Variants in EBF1 observed in about 807,000 individuals in gnomAD.
The protein encoded by EBF1 is EBF transcription factor 1, also known as transcription factor COE1.
EBF1 carries 10 observed loss-of-function variants against 68.4 expected under a neutral mutation model. The observed-to-expected ratio is 0.15, with a 90% CI of 0.09 to 0.25. The LOEUF (loss-of-function observed/expected upper bound fraction) is 0.25, where lower values mean the gene tolerates loss of function less well. EBF1 is among the 10% of genes least tolerant of loss of function. EBF1 has a pLI of 1.00. For missense variants in EBF1, 509 were observed against 794.4 expected (o/e 0.64, Z 4.32); for synonymous variants, 298 against 299.8 (o/e 0.99, Z 0.06).
intron 6 of EBF1, among the ~76,000 whole-genome samples, chr5:159,051,649 A>G (rs1753535977): frequency 6.6e-6 from 1 of 151,706 alleles, no homozygotes; most frequent in African/African-American, 2.4e-5. Flanking sequence ...TATAGCAAGG[A>G]GCCCCGACTG....
At chr5:158,907,329 C>A (rs1189364850) in intron 6 of EBF1, among the ~76,000 whole-genome samples, 4 of 152,154 alleles carry the variant, frequency 2.6e-5, no homozygotes, top group Admixed American at 2.0e-4. Flanking sequence ...CAAATAAAAT[C>A]AGAAACAAAG....
At chr5:159,061,306 C>G (rs889437799) in intron 6 of EBF1, among the ~76,000 whole-genome samples, 1 of 151,932 alleles carries the variant, frequency 6.6e-6, no homozygotes, top group Admixed American at 6.6e-5. Context: ...CATTTTGAAA[C>G]AACCGGTTTC....
chr5:158,999,365 C>T (rs1014581956), intron 6 of EBF1, among the ~76,000 whole-genome samples: 6 of 152,300 alleles, frequency 3.9e-5, no homozygotes, highest in South Asian at 2.1e-4. Flanking sequence ...AAACTACTTT[C>T]GAATAAGTTG....
At position 159,011,460 on chromosome 5, in the gene EBF1, G is replaced by T. The variant is rs557551951; in HGVS notation, c.554+61936C>A. On this transcript the variant is annotated intron_variant, in intron 6 of 15. Coordinates refer to ENST00000313708, the MANE Select transcript of EBF1 (RefSeq NM_024007.5). Reference sequence around the variant, plus strand: ...ATCCTATAAGGACCTTCCCAGCCCTGCTGTCAGCCCTGAAATTAAGAGTGT... The same window carrying T: ...ATCCTATAAGGACCTTCCCAGCCCTTCTGTCAGCCCTGAAATTAAGAGTGT... 2.6e-5 allele frequency among the ~76,000 whole-genome samples: 4 copies of T among 152,310 alleles called. No homozygotes were observed. In the South Asian group the frequency reaches 8.3e-4, roughly 32 times the overall value.
intron 6 of EBF1, among the ~76,000 whole-genome samples, chr5:159,050,458 CGTG>C (rs1268589348): frequency 6.6e-6 from 1 of 152,116 alleles, no homozygotes; most frequent in East Asian, 1.9e-4. Flanking sequence ...GGACAATGTA[CGTG>C]GTGTGGGTGT....
chr5:159,033,716 C>T (rs1769428257), intron 6 of EBF1, among the ~76,000 whole-genome samples: 1 of 152,002 alleles, frequency 6.6e-6, no homozygotes, highest in African/African-American at 2.4e-5. Flanking sequence ...TAATGATTGC[C>T]CCAAAGTTTA....
intron 6 of EBF1, among the ~76,000 whole-genome samples, chr5:159,056,369 C>T (rs1026975406): frequency 2.0e-5 from 3 of 152,086 alleles, no homozygotes; most frequent in Non-Finnish European, 1.5e-5. Context: ...ATTGTCACTT[C>T]CTCCTTTGCC....
chr5:158,818,235 G>C (rs2127830556), intron 8 of EBF1, among the ~76,000 whole-genome samples: 1 of 152,276 alleles, frequency 6.6e-6, no homozygotes, highest in African/African-American at 2.4e-5. Flanking sequence ...ATTTGAGGTA[G>C]TCTCTCCAAG....
intron 10 of EBF1, among the ~76,000 whole-genome samples, chr5:158,755,620 G>C: frequency 6.6e-6 from 1 of 152,120 alleles, no homozygotes; most frequent in East Asian, 1.9e-4. Context: ...CCTAAAAGTG[G>C]AAAGAAATAC....
intron 10 of EBF1, among the ~76,000 whole-genome samples, chr5:158,734,520 C>T (rs1764767875): frequency 6.6e-6 from 1 of 151,998 alleles, no homozygotes; most frequent in South Asian, 2.1e-4. Context: ...AGGGAGGAAT[C>T]ATAAAGAATG....
intron 6 of EBF1, among the ~76,000 whole-genome samples, chr5:158,905,130 C>G: frequency 6.6e-6 from 1 of 152,150 alleles, no homozygotes; most frequent in East Asian, 1.9e-4. Context: ...TAAGCTCAAG[C>G]GAAATGAGGA....
chr5:158,909,045 C>A (rs1164490243), intron 6 of EBF1, among the ~76,000 whole-genome samples: 1 of 151,814 alleles, frequency 6.6e-6, no homozygotes, highest in African/African-American at 2.4e-5. Flanking sequence ...AAGCTGTGAC[C>A]CCCGGGCTGG....
At position 158,769,975 on chromosome 5, in the gene EBF1, G is replaced by C. The variant is rs1447418331; in HGVS notation, c.1036+7438C>G. 2.6e-5 allele frequency among the ~76,000 whole-genome samples: 4 copies of C among 151,030 alleles called. No individual in the cohort carries two copies. The East Asian group carries it at 7.7e-4, about 29-fold the overall frequency. On this transcript the variant is annotated intron_variant, in intron 10 of 15. Transcript: ENST00000313708. The stretch of plus-strand genomic sequence containing the variant: ...AGCCCTCTTTCAGCTGAATCCCTAA[G>C]TGAAAACAATCTGACAAAAAAGAAA...
At chr5:158,723,706 C>T (rs1300286834) in intron 11 of EBF1, among the ~76,000 whole-genome samples, 3 of 152,068 alleles carry the variant, frequency 2.0e-5, no homozygotes, top group Non-Finnish European at 2.9e-5. Flanking sequence ...GAGAAGGTTA[C>T]TTGTCCTGTA....
intron 11 of EBF1, among the ~76,000 whole-genome samples, chr5:158,719,687 T>C (rs532278457): frequency 1.5e-4 from 23 of 152,144 alleles, no homozygotes; most frequent in Non-Finnish European, 2.5e-4. Flanking sequence ...GGGAAGATAG[T>C]CTGAACTTTC....
chr5:159,059,755 C>G (rs574138693), intron 6 of EBF1, among the ~76,000 whole-genome samples: 2 of 152,230 alleles, frequency 1.3e-5, no homozygotes, highest in South Asian at 4.1e-4. Flanking sequence ...ATTAAATTAA[C>G]AAGGGGGGAC....
intron 7 of EBF1, among the ~76,000 whole-genome samples, chr5:158,839,365 T>C (rs1348466630): frequency 6.6e-6 from 1 of 152,142 alleles, no homozygotes; most frequent in East Asian, 1.9e-4. Flanking sequence ...TCTTTACTGT[T>C]TTTTGTTTGT....
intron 6 of EBF1, among the ~76,000 whole-genome samples, chr5:159,003,608 C>T (rs1467905193): frequency 6.6e-6 from 1 of 152,194 alleles, no homozygotes; most frequent in Non-Finnish European, 1.5e-5. Flanking sequence ...TCTTAGAGCA[C>T]ATATGCACGG....
In EBF1 at chr5:158,918,543, AAGAC is replaced by A. The variant is rs575287733; in HGVS notation, c.555-78437_555-78434del. Among the ~76,000 whole-genome samples, 35 of 152,348 alleles carry A rather than the reference AAGAC, an allele frequency of 2.3e-4. No individual in the cohort carries two copies. In the East Asian group the frequency reaches 2.5e-3, roughly 11 times the overall value. ...AGTAAGAGATAAAGAGATTGAGACT[AAGAC>A]AGAAAGACTGAGAAACTGAGATTTA... On this transcript the variant is annotated intron_variant, in intron 6 of 15. Coordinates refer to ENST00000313708, the MANE Select transcript of EBF1 (RefSeq NM_024007.5).
Sources: gnomAD v4.1 joint callset for allele counts (sites outside exome capture counted in the v4.1 genomes callset) on GRCh38, gnomAD v4.1.1 for gene constraint, MANE v1.5 for transcripts, NCBI Gene and HGNC (gene_info 2026-07-23, HGNC 2026-07-21) for gene names.